The following LHFPL6 variants were observed in gnomAD, a reference collection of about 807,000 sequenced individuals.
LHFPL6 encodes the protein LHFPL tetraspan subfamily member 6 protein.
A neutral mutation model predicts 20.6 loss-of-function variants in LHFPL6; 9 were observed. That is an observed-to-expected ratio of 0.44 (90% CI 0.26 to 0.76). LHFPL6 has a LOEUF of 0.76. Ranked by LOEUF, LHFPL6 falls within the 30% of genes least tolerant of loss-of-function variation. The pLI, the probability that LHFPL6 is intolerant of heterozygous loss-of-function variation, is 0.20. For synonymous variants in LHFPL6, 105 were observed against 98.7 expected, an observed-to-expected ratio of 1.06 and a Z score of -0.38; for missense variants, 218 against 253.5, an observed-to-expected ratio of 0.86 and a Z score of 0.95.
chr13:39,530,734 T>C (rs1011125314), intron 2 of LHFPL6, among the ~76,000 whole-genome samples: 1 of 152,046 alleles, frequency 6.6e-6, no homozygotes, highest in Non-Finnish European at 1.5e-5. Flanking sequence ...CATTGTGCTG[T>C]GGTTGCTTAT....
chr13:39,371,192 TG>T (rs1340694011), intron 3 of LHFPL6, among the ~76,000 whole-genome samples: 1 of 152,200 alleles, frequency 6.6e-6, no homozygotes, highest in Non-Finnish European at 1.5e-5. Flanking sequence ...ACAGGAACCA[TG>T]ATGGCTTCTT....
intron 2 of LHFPL6, among the ~76,000 whole-genome samples, chr13:39,393,290 G>A (rs1049923799): frequency 6.6e-6 from 1 of 152,208 alleles, no homozygotes; most frequent in Admixed American, 6.5e-5. Context: ...ACTTCTCACT[G>A]TGGAAACATT....
chr13:39,471,629 C>T (rs1215191531), intron 2 of LHFPL6, among the ~76,000 whole-genome samples: 2 of 152,220 alleles, frequency 1.3e-5, no homozygotes, highest in Non-Finnish European at 2.9e-5. Context: ...AGAATACATA[C>T]AGCTGTGTTG....
intron 2 of LHFPL6, among the ~76,000 whole-genome samples, chr13:39,569,959 A>G (rs1391798617): frequency 6.6e-6 from 1 of 152,224 alleles, no homozygotes; most frequent in Non-Finnish European, 1.5e-5. Context: ...TCCAGAAGGA[A>G]TGATTTAGAA....
At chr13:39,475,427 T>C (rs1238760654) in intron 2 of LHFPL6, among the ~76,000 whole-genome samples, 2 of 144,604 alleles carry the variant, frequency 1.4e-5, no homozygotes, top group Non-Finnish European at 3.0e-5. Context: ...TACTGCTCCA[T>C]CTTTTTTTTT....
chr13:39,541,388 A>T (rs1870793569), intron 2 of LHFPL6, among the ~76,000 whole-genome samples: 1 of 152,200 alleles, frequency 6.6e-6, no homozygotes, highest in Non-Finnish European at 1.5e-5. Flanking sequence ...TAGTGTTCAA[A>T]GCTCTCCACA....
At chr13:39,514,608 G>A (rs141570204) in intron 2 of LHFPL6, among the ~76,000 whole-genome samples, 25 of 152,266 alleles carry the variant, frequency 1.6e-4, no homozygotes, top group Non-Finnish European at 1.9e-4. Flanking sequence ...ACTCCACCTG[G>A]GCAGTGCATT....
chr13:39,495,046 T>C (rs1869052704), intron 2 of LHFPL6, among the ~76,000 whole-genome samples: 1 of 152,112 alleles, frequency 6.6e-6, no homozygotes. Flanking sequence ...CACTCTCCCA[T>C]CTCACTTTCT....
chr13:39,416,120 G>C (rs1484121596), intron 2 of LHFPL6, among the ~76,000 whole-genome samples: 3 of 152,172 alleles, frequency 2.0e-5, no homozygotes, highest in Non-Finnish European at 4.4e-5. Context: ...AAATGGTAAA[G>C]AAAATTAATA....
chr13:39,516,882 G>T (rs1411587027), intron 2 of LHFPL6, among the ~76,000 whole-genome samples: 1 of 152,204 alleles, frequency 6.6e-6, no homozygotes, highest in African/African-American at 2.4e-5. Flanking sequence ...TACCAATGCA[G>T]CTGATCAACT....
intron 2 of LHFPL6, among the ~76,000 whole-genome samples, chr13:39,423,013 C>T (rs1267282826): frequency 2.0e-5 from 3 of 152,136 alleles, no homozygotes; most frequent in Non-Finnish European, 2.9e-5. Flanking sequence ...ACGAGAACAG[C>T]ATGAGGGTAA....
At chr13:39,422,730 T>A (rs1223253902) in intron 2 of LHFPL6, among the ~76,000 whole-genome samples, 1 of 152,166 alleles carries the variant, frequency 6.6e-6, no homozygotes, top group Non-Finnish European at 1.5e-5. Flanking sequence ...GTTAGGAGCC[T>A]CATTTGTGTG....
intron 2 of LHFPL6, among the ~76,000 whole-genome samples, chr13:39,383,248 G>A (rs980245732): frequency 1.3e-5 from 2 of 152,116 alleles, no homozygotes; most frequent in Non-Finnish European, 2.9e-5. Context: ...AACACTCAGT[G>A]GACAAATATG....
At chr13:39,528,640 G>C (rs1870366081) in intron 2 of LHFPL6, among the ~76,000 whole-genome samples, 1 of 152,140 alleles carries the variant, frequency 6.6e-6, no homozygotes, top group South Asian at 2.1e-4. Flanking sequence ...TTCCATTTTA[G>C]GGAAAGTGGC....
chr13:39,561,936 T>C (rs952525878), intron 2 of LHFPL6, among the ~76,000 whole-genome samples: 1 of 152,158 alleles, frequency 6.6e-6, no homozygotes, highest in Non-Finnish European at 1.5e-5. Flanking sequence ...CTAGAGACTT[T>C]TTAAAAAATT....
intron 2 of LHFPL6, among the ~76,000 whole-genome samples, chr13:39,468,937 C>T (rs1872872866): frequency 6.6e-6 from 1 of 151,856 alleles, no homozygotes; most frequent in African/African-American, 2.4e-5. Context: ...TCAAGTAAAC[C>T]CCAAAGCATT....
At chr13:39,578,704 A>C (rs1418108635) in intron 2 of LHFPL6, among the ~76,000 whole-genome samples, 4 of 152,326 alleles carry the variant, frequency 2.6e-5, no homozygotes, top group South Asian at 4.1e-4. Context: ...TGTGACAGGT[A>C]CAGGTTATGC....
intron 2 of LHFPL6, among the ~76,000 whole-genome samples, chr13:39,418,017 C>G (rs1408177): frequency 0.94 from 143,104 of 152,242 alleles, 67,944 homozygotes; most frequent in East Asian, 1. Flanking sequence ...TGCATCAAAA[C>G]AAGGCATTTC....
chr13:39,401,041 A>C (rs1870977896), intron 2 of LHFPL6, among the ~76,000 whole-genome samples: 1 of 152,172 alleles, frequency 6.6e-6, no homozygotes, highest in Non-Finnish European at 1.5e-5. Context: ...AAGTGATTTG[A>C]ACTATTCCTT....
Sources: allele counts gnomAD v4.1 joint callset (sites outside exome capture counted in the v4.1 genomes callset), GRCh38; gene constraint gnomAD v4.1.1; transcripts MANE v1.5; gene names NCBI Gene and HGNC (gene_info 2026-07-23, HGNC 2026-07-21).